The following ATP9B variants were observed in gnomAD, a reference collection of about 807,000 sequenced individuals.
ATP9B encodes the protein ATPase phospholipid transporting 9B.
ATP9B carries 110 observed loss-of-function variants against 146.1 expected under a neutral mutation model. The ratio of observed to expected loss-of-function variants is 0.75; its 90% confidence interval spans 0.65 to 0.88. ATP9B has a LOEUF of 0.88. Ranked by LOEUF, ATP9B falls within the 40% of genes least tolerant of loss-of-function variation. ATP9B has a pLI of 0.00. For missense variants in ATP9B, 1,499 were observed against 1,496.4 expected (o/e 1.00, Z -0.03); for synonymous variants, 604 against 569.7 (o/e 1.06, Z -0.86).
At chr18:79,350,832 G>C (rs1243084054) in intron 25 of ATP9B, among the ~76,000 whole-genome samples, 1 of 148,656 alleles carries the variant, frequency 6.7e-6, no homozygotes, top group African/African-American at 2.5e-5. Context: ...GCAGTGGTGT[G>C]ATCTCAGCTC....
intron 11 of ATP9B, among the ~76,000 whole-genome samples, chr18:79,249,173 C>A (rs1352108792): frequency 6.6e-6 from 1 of 151,780 alleles, no homozygotes; most frequent in Non-Finnish European, 1.5e-5. Flanking sequence ...TTACTGAGAA[C>A]CATTAGCTAT....
intron 15 of ATP9B, among the ~76,000 whole-genome samples, chr18:79,313,313 G>C (rs928543329): frequency 5.9e-5 from 9 of 152,214 alleles, no homozygotes; most frequent in Admixed American, 6.5e-5. Flanking sequence ...ATCAGTTGCT[G>C]TCTTCTTAGC....
At chr18:79,206,063 C>T (rs1028704990) in intron 9 of ATP9B, among the ~76,000 whole-genome samples, 5 of 152,116 alleles carry the variant, frequency 3.3e-5, no homozygotes, top group Admixed American at 1.3e-4. Context: ...GCCTCAGCCT[C>T]CCAAGCAGCT....
chr18:79,097,519 TC>T (rs1322253275), intron 2 of ATP9B, among the ~76,000 whole-genome samples: 4 of 100,544 alleles, frequency 4.0e-5, no homozygotes, highest in African/African-American at 7.5e-5. Context: ...GTTCTTTCCC[TC>T]CCCCCTCCCC....
At position 79,253,331 on chromosome 18, in the gene ATP9B, T is replaced by C. The variant is rs752681227; in HGVS notation, c.1108-50T>C. The C allele has an allele frequency of 2.3e-5, 35 of 1,531,682 alleles. 2 individuals are homozygous for C. In the South Asian group the frequency reaches 4.4e-4, roughly 19 times the overall value. The allele number at this position is 1,531,682 out of a possible 1,614,324, so 94.9% of individuals were successfully genotyped here. ...CTACCATGCATTCTGATTTATAATATTAGGGACATTGTGGTTAGCTTGTTC... is the reference window on the plus strand; with the variant it reads ...CTACCATGCATTCTGATTTATAATACTAGGGACATTGTGGTTAGCTTGTTC... On this transcript the variant is annotated intron_variant, in intron 11 of 29. Coordinates refer to ENST00000426216, the MANE Select transcript of ATP9B (RefSeq NM_198531.5).
chr18:79,102,422 A>G (rs1458909401), intron 2 of ATP9B, among the ~76,000 whole-genome samples: 1 of 152,172 alleles, frequency 6.6e-6, no homozygotes, highest in African/African-American at 2.4e-5. Flanking sequence ...GTGCGTATCC[A>G]AATATTCTAA....
intron 1 of ATP9B, among the ~76,000 whole-genome samples, chr18:79,073,895 C>G (rs564684557): frequency 6.6e-6 from 1 of 152,134 alleles, no homozygotes; most frequent in Non-Finnish European, 1.5e-5. Context: ...AGCTCAGTGT[C>G]GGTGTCATGT....
At chr18:79,173,798 T>C (rs2095117219) in intron 7 of ATP9B, 2 of 454,374 alleles carry the variant, frequency 4.4e-6, no homozygotes, top group South Asian at 3.1e-5. Flanking sequence ...CCACATTGTT[T>C]TAGCCATTCT....
At chr18:79,214,119 C>G (rs1052946001) in intron 11 of ATP9B, 81 bp downstream of exon 11, 114 of 947,820 alleles carry the variant, frequency 1.2e-4, no homozygotes, top group Non-Finnish European at 1.7e-4. Flanking sequence ...CTGAATAGCT[C>G]ATTCTTTTGG....
At chr18:79,088,117 T>C (rs2146624582) in intron 1 of ATP9B, among the ~76,000 whole-genome samples, 1 of 152,344 alleles carries the variant, frequency 6.6e-6, no homozygotes, top group South Asian at 2.1e-4. Flanking sequence ...TGGAATAAAT[T>C]GCTTGCCAGT....
chr18:79,088,712 A>G (rs1197447970), intron 1 of ATP9B, among the ~76,000 whole-genome samples: 3 of 152,202 alleles, frequency 2.0e-5, no homozygotes, highest in Non-Finnish European at 2.9e-5. Flanking sequence ...ACAATATTCT[A>G]TTCCATGGTA....
intron 1 of ATP9B, among the ~76,000 whole-genome samples, chr18:79,072,291 CCCTGCGG>C (rs1269549658): frequency 1.3e-5 from 2 of 151,982 alleles, no homozygotes; most frequent in Non-Finnish European, 2.9e-5. Context: ...AGGCAGAGGA[CCCTGCGG>C]CCTTCCGCAG....
chr18:79,194,493 G>A (rs2095400061), intron 9 of ATP9B: 1 of 152,266 alleles, frequency 6.6e-6, no homozygotes, highest in African/African-American at 2.4e-5. Context: ...CAGTCTGCAG[G>A]TGTGACAAGG....
intron 13 of ATP9B, among the ~76,000 whole-genome samples, chr18:79,290,831 T>C (rs1234051186): frequency 6.6e-6 from 1 of 152,258 alleles, no homozygotes; most frequent in African/African-American, 2.4e-5. Context: ...TGTATGTGTC[T>C]TACTTTGTTT....
intron 15 of ATP9B, among the ~76,000 whole-genome samples, chr18:79,312,421 C>T (rs766630966): frequency 2.6e-5 from 4 of 152,242 alleles, no homozygotes; most frequent in Non-Finnish European, 5.9e-5. Flanking sequence ...TTTGCTTCTT[C>T]TGTGCTCTTC....
chr18:79,161,192 A>G (rs1262044852), intron 7 of ATP9B, among the ~76,000 whole-genome samples: 1 of 114,064 alleles, frequency 8.8e-6, no homozygotes, highest in East Asian at 3.0e-4. Flanking sequence ...GAGATAATCT[A>G]TTGTGTTAAC....
At chr18:79,184,297 C>CT (rs2095282867) in intron 8 of ATP9B, among the ~76,000 whole-genome samples, 1 of 152,134 alleles carries the variant, frequency 6.6e-6, no homozygotes, top group Non-Finnish European at 1.5e-5. Context: ...GAAGTTGAAT[C>CT]TTTCACTTAG....
chr18:79,154,708 T>C (rs2094747716), intron 7 of ATP9B, among the ~76,000 whole-genome samples, 153 bp downstream of exon 7: 1 of 152,158 alleles, frequency 6.6e-6, no homozygotes, highest in African/African-American at 2.4e-5. Flanking sequence ...ACTTTGAATG[T>C]AAACACATGA....
intron 6 of ATP9B, among the ~76,000 whole-genome samples, 153 bp from the exon 7 acceptor site, chr18:79,154,351 C>A (rs2094740075): frequency 6.6e-6 from 1 of 151,984 alleles, no homozygotes; most frequent in African/African-American, 2.4e-5. Context: ...ATTAAAATAT[C>A]AATTTTTTAT....
Sources: allele counts gnomAD v4.1 joint callset (sites outside exome capture counted in the v4.1 genomes callset), GRCh38; gene constraint gnomAD v4.1.1; transcripts MANE v1.5; gene names NCBI Gene and HGNC (gene_info 2026-07-23, HGNC 2026-07-21).